Variants in NR1H4 observed in about 807,000 individuals in gnomAD.
NR1H4 encodes the protein nuclear receptor subfamily 1 group H member 4.
A neutral mutation model predicts 58.5 loss-of-function variants in NR1H4; 23 were observed. The ratio of observed to expected loss-of-function variants is 0.39; its 90% CI spans 0.28 to 0.56. The LOEUF (loss-of-function observed/expected upper bound fraction) is 0.56, where lower values mean the gene tolerates loss of function less well. Ranked by LOEUF, NR1H4 falls within the 20% of genes least tolerant of loss-of-function variation. The probability of loss-of-function intolerance (pLI) is 0.58; values close to 1 mark genes in which losing one functional copy is unlikely to be tolerated. For missense variants in NR1H4, 487 were observed against 576.9 expected (o/e 0.84, Z 1.60); for synonymous variants, 214 against 198.0 (o/e 1.08, Z -0.68).
At chr12:100,540,431 A>G (rs533914324) in intron 8 of NR1H4, among the ~76,000 whole-genome samples, 7 of 152,330 alleles carry the variant, frequency 4.6e-5, no homozygotes, top group East Asian at 1.9e-4. Flanking sequence ...CAGTGTATCT[A>G]TGCCATAATA....
intron 4 of NR1H4, among the ~76,000 whole-genome samples, chr12:100,519,738 T>C (rs1255536475): frequency 6.6e-6 from 1 of 152,078 alleles, no homozygotes; most frequent in Non-Finnish European, 1.5e-5. Flanking sequence ...TTCTATAATC[T>C]CTCAATCCAC....
intron 1 of NR1H4, among the ~76,000 whole-genome samples, chr12:100,482,022 A>G (rs1273367987): frequency 6.6e-6 from 1 of 152,192 alleles, no homozygotes; most frequent in East Asian, 1.9e-4. Flanking sequence ...GGATTGCTTG[A>G]GCCTGGGAGG....
chr12:100,505,017 G>C (rs192485696), intron 3 of NR1H4, among the ~76,000 whole-genome samples: 2 of 152,092 alleles, frequency 1.3e-5, no homozygotes, highest in Non-Finnish European at 2.9e-5. Flanking sequence ...CATCACAAAG[G>C]CCTGATGCCA....
intron 4 of NR1H4, among the ~76,000 whole-genome samples, chr12:100,530,976 A>T (rs964426805): frequency 6.6e-6 from 1 of 152,110 alleles, no homozygotes; most frequent in Non-Finnish European, 1.5e-5. Flanking sequence ...AATGGGAGAG[A>T]TTTCTCTGCT....
chr12:100,542,622 CTTATCA>C (rs1034810853), intron 9 of NR1H4, among the ~76,000 whole-genome samples: 18 of 151,996 alleles, frequency 1.2e-4, no homozygotes, highest in African/African-American at 4.8e-5. Flanking sequence ...TTTCTAAAGT[CTTATCA>C]TTAACAAAAG....
chr12:100,548,709 A>T (rs1400881444), intron 9 of NR1H4, among the ~76,000 whole-genome samples: 1 of 152,150 alleles, frequency 6.6e-6, no homozygotes, highest in African/African-American at 2.4e-5. Flanking sequence ...CACTGGCGGT[A>T]CAAAGATGAA....
intron 3 of NR1H4, chr12:100,500,153 C>T (rs1403835443): frequency 1.2e-5 from 4 of 332,376 alleles, no homozygotes; most frequent in Admixed American, 4.0e-5. Flanking sequence ...AAACAAAATC[C>T]AATGTTTAAG....
At chr12:100,558,943 C>A (rs541351723) in intron 9 of NR1H4, among the ~76,000 whole-genome samples, 5 of 152,122 alleles carry the variant, frequency 3.3e-5, no homozygotes, top group Non-Finnish European at 7.4e-5. Flanking sequence ...ATCTACCTCA[C>A]GGGGTTTAGA....
At chr12:100,501,117 T>C (rs1953824305) in intron 3 of NR1H4, among the ~76,000 whole-genome samples, 1 of 151,840 alleles carries the variant, frequency 6.6e-6, no homozygotes, top group Non-Finnish European at 1.5e-5. Context: ...GTCAGCTAAA[T>C]AATCCTGCTC....
At position 100,532,555 on chromosome 12, in the gene NR1H4, G is replaced by A. The variant is rs1035994891; in HGVS notation, c.543G>A (p.Glu181=). ...TGTACATGCGAAGAAAGTGTCAAGAGTGTCGACTAAGGAAATGCAAAGAGA... is the reference window on the plus strand; with the variant it reads ...TGTACATGCGAAGAAAGTGTCAAGAATGTCGACTAAGGAAATGCAAAGAGA... ...MDMYMRRKCQ[E]CRLRKCKEMG... The change falls in exon 5 of 11, where the codon GAG becomes GAA. Residue 181 remains glutamate (E), a synonymous_variant. Coordinates refer to ENST00000392986, the MANE Select transcript of NR1H4 (RefSeq NM_001206979.2). 1.9e-6 allele frequency: 3 copies of A among 1,614,010 alleles called. No individual in the cohort carries two copies. The highest frequency in any genetic ancestry group is 1.3e-5 in the African/African-American group (1 of 74,932).
Position 100,475,124 on chromosome 12 carries a change from C to CCTATCTATCTATCTACCTATCTAT in NR1H4, c.-190+1080_-190+1081insCCTATCTATCTATCTATCTATCTA, listed in dbSNP as rs1555330005. ...AGTCACACCTCAGTAAAGTGGTTTA[C>CCTATCTATCTATCTACCTATCTAT]CTATCTATCTATCTATCTATCTATC... is the stretch of plus-strand genomic sequence containing the variant. On this transcript the variant is annotated intron_variant, in intron 1 of 10. Coordinates refer to ENST00000392986, the MANE Select transcript of NR1H4 (RefSeq NM_001206979.2). Among the ~76,000 whole-genome samples the CCTATCTATCTATCTACCTATCTAT allele has an allele frequency of 8.1e-3, 1,153 of 143,204 alleles. 4 individuals are homozygous for CCTATCTATCTATCTACCTATCTAT. Among genetic ancestry groups the CCTATCTATCTATCTACCTATCTAT allele is most frequent in the African/African-American group, 0.019 (687 of 36,644 alleles). 93.9% of individuals were successfully genotyped at this position (143,204 alleles called of 152,430 possible).
intron 8 of NR1H4, among the ~76,000 whole-genome samples, chr12:100,537,987 G>A (rs1031821198): frequency 5.9e-5 from 9 of 152,178 alleles, no homozygotes; most frequent in Non-Finnish European, 1.3e-4. Flanking sequence ...TGGGATTACA[G>A]GCGCAAGCCA....
At chr12:100,553,192 G>A (rs542428347) in intron 9 of NR1H4, among the ~76,000 whole-genome samples, 7 of 152,080 alleles carry the variant, frequency 4.6e-5, no homozygotes, top group South Asian at 2.1e-4. Context: ...TAGAGATGGG[G>A]TTTCACCGTG....
chr12:100,488,216 T>A (rs1360940734), intron 1 of NR1H4, among the ~76,000 whole-genome samples: 1 of 152,126 alleles, frequency 6.6e-6, no homozygotes, highest in Non-Finnish European at 1.5e-5. Flanking sequence ...GCCAGGCTGG[T>A]CTTGAACTCC....
At chr12:100,517,896 A>G (rs1380511796) in intron 4 of NR1H4, among the ~76,000 whole-genome samples, 10 of 152,188 alleles carry the variant, frequency 6.6e-5, no homozygotes, top group Admixed American at 6.5e-4. Flanking sequence ...CTAACTCCAG[A>G]GCCTGTATGA....
intron 9 of NR1H4, among the ~76,000 whole-genome samples, chr12:100,556,746 T>G (rs1266875438): frequency 6.6e-6 from 1 of 152,170 alleles, no homozygotes; most frequent in Non-Finnish European, 1.5e-5. Context: ...TCAACTCAGA[T>G]TACCCATTCT....
At chr12:100,484,672 C>T (rs920575678) in intron 1 of NR1H4, among the ~76,000 whole-genome samples, 10 of 152,140 alleles carry the variant, frequency 6.6e-5, no homozygotes, top group African/African-American at 1.2e-4. Context: ...TCTCTACTGA[C>T]GCCACGCTGC....
intron 9 of NR1H4, among the ~76,000 whole-genome samples, chr12:100,547,205 C>T (rs1018661431): frequency 1.3e-5 from 2 of 152,138 alleles, no homozygotes; most frequent in Non-Finnish European, 2.9e-5. Flanking sequence ...TGTGGTCAAA[C>T]CCCAGCTTCA....
chr12:100,510,906 C>T lies in NR1H4; in HGVS notation c.208C>T (p.Leu70=). The change falls in exon 4 of 11, where the codon CTG becomes TTG. Residue 70 remains leucine (L), a synonymous_variant. Transcript: ENST00000392986. ...QISSSSYYSN[L]GFYPQQPEEW... is the part of the protein sequence containing the mutation. ...TTCCTCGTCATCCTATTATTCCAAC[C>T]TGGGTTTCTACCCCCAGCAGCCTGA... 1 of 1,614,226 alleles carries T rather than the reference C, an allele frequency of 6.2e-7. No individual in the cohort carries two copies. Among genetic ancestry groups the T allele is most frequent in the East Asian group, 2.2e-5 (1 of 44,882 alleles).
Sources: gnomAD v4.1 joint callset for allele counts (sites outside exome capture counted in the v4.1 genomes callset) on GRCh38, gnomAD v4.1.1 for gene constraint, MANE v1.5 for transcripts, NCBI Gene and HGNC (gene_info 2026-07-23, HGNC 2026-07-21) for gene names.